Variants in MKLN1 observed in about 807,000 individuals in gnomAD.
The protein encoded by MKLN1 is muskelin 1.
MKLN1 carries 18 observed loss-of-function variants against 99.0 expected under a neutral mutation model. The ratio of observed to expected loss-of-function variants is 0.18; its 90% CI spans 0.13 to 0.27. The LOEUF is 0.27. Among genes scored for constraint, MKLN1 ranks in the 10% least tolerant of loss-of-function variants. MKLN1 has a pLI of 1.00. For missense variants in MKLN1, 621 were observed against 875.9 expected, an observed-to-expected ratio of 0.71 and a Z score of 3.67; for synonymous variants, 288 against 293.2, an observed-to-expected ratio of 0.98 and a Z score of 0.18.
chr7:131,412,038 GTTCATAC>G (rs1794897573), intron 7 of MKLN1, among the ~76,000 whole-genome samples: 1 of 151,644 alleles, frequency 6.6e-6, no homozygotes, highest in South Asian at 2.1e-4. Context: ...AGTCAGCCGT[GTTCATAC>G]CACTGCACTT....
intron 2 of MKLN1, among the ~76,000 whole-genome samples, chr7:131,144,150 G>A (rs754826967): frequency 1.3e-5 from 2 of 152,104 alleles, no homozygotes; most frequent in Non-Finnish European, 2.9e-5. Flanking sequence ...TACACAGAAG[G>A]CACTCAGTAA....
chr7:131,391,423 G>A (rs759997474), intron 4 of MKLN1, among the ~76,000 whole-genome samples: 1 of 152,130 alleles, frequency 6.6e-6, no homozygotes, highest in East Asian at 1.9e-4. Context: ...TAACACAATG[G>A]CAGATAATCT....
chr7:131,302,660 T>C (rs531362945), intron 3 of MKLN1, among the ~76,000 whole-genome samples: 88 of 152,348 alleles, frequency 5.8e-4, no homozygotes, highest in Admixed American at 1.2e-3. Flanking sequence ...CCGCCTTCTA[T>C]GCAGCTGGCA....
chr7:131,337,279 C>T (rs1192465804), intron 1 of MKLN1, among the ~76,000 whole-genome samples: 1 of 152,086 alleles, frequency 6.6e-6, no homozygotes, highest in Non-Finnish European at 1.5e-5. Flanking sequence ...AAAATTTTGA[C>T]TTTTTAAAAA....
intron 1 of MKLN1, among the ~76,000 whole-genome samples, chr7:131,364,870 G>T (rs761826062): frequency 1.1e-4 from 16 of 152,140 alleles, no homozygotes; most frequent in Non-Finnish European, 2.2e-4. Flanking sequence ...TGGACATTTA[G>T]GTTGACTCCA....
At chr7:131,423,808 T>G (rs1217629527) in intron 8 of MKLN1, among the ~76,000 whole-genome samples, 1 of 152,212 alleles carries the variant, frequency 6.6e-6, no homozygotes, top group African/African-American at 2.4e-5. Flanking sequence ...ACAGAAAGAA[T>G]TCTGAAATGC....
chr7:131,191,280 G>C (rs369774010), intron 2 of MKLN1, among the ~76,000 whole-genome samples: 5 of 152,348 alleles, frequency 3.3e-5, no homozygotes, highest in South Asian at 2.1e-4. Flanking sequence ...TTGCCAGAAG[G>C]CTGCTTACTC....
intron 1 of MKLN1, among the ~76,000 whole-genome samples, chr7:131,370,401 A>T: frequency 6.7e-6 from 1 of 149,008 alleles, no homozygotes. Flanking sequence ...TCTTTTTTAA[A>T]GTCTTTAATT....
chr7:131,213,017 G>A (rs970173756), intron 3 of MKLN1, among the ~76,000 whole-genome samples: 3 of 151,326 alleles, frequency 2.0e-5, no homozygotes, highest in African/African-American at 7.3e-5. Context: ...CAATACATTT[G>A]AGGCCCCTTA....
chr7:131,400,750 G>A (rs1008366489), intron 6 of MKLN1, among the ~76,000 whole-genome samples: 9 of 151,880 alleles, frequency 5.9e-5, no homozygotes, highest in South Asian at 2.1e-4. Context: ...CTTTAGTGAC[G>A]TACTCAGTTG....
intron 1 of MKLN1, among the ~76,000 whole-genome samples, chr7:131,369,413 A>G (rs1317653312): frequency 6.6e-6 from 1 of 152,254 alleles, no homozygotes. Context: ...GTAAAAAGGG[A>G]TATCTTACTA....
chr7:131,235,973 G>A (rs1018890774), intron 3 of MKLN1, among the ~76,000 whole-genome samples: 2 of 152,160 alleles, frequency 1.3e-5, no homozygotes, highest in African/African-American at 4.8e-5. Context: ...TGCCCAGATC[G>A]AGTTATAAAG....
intron 2 of MKLN1, among the ~76,000 whole-genome samples, chr7:131,164,386 A>G (rs779482893): frequency 4.6e-5 from 7 of 152,170 alleles, no homozygotes; most frequent in Non-Finnish European, 8.8e-5. Flanking sequence ...AAGTACTAGG[A>G]TTACAGGTGT....
intron 3 of MKLN1, among the ~76,000 whole-genome samples, chr7:131,264,381 A>T (rs894907586): frequency 6.6e-6 from 1 of 152,226 alleles, no homozygotes; most frequent in Non-Finnish European, 1.5e-5. Context: ...ATTTAAATTT[A>T]GAGTAAGGAA....
chr7:131,330,995 T>C (rs1164328410), intron 1 of MKLN1, among the ~76,000 whole-genome samples: 1 of 152,178 alleles, frequency 6.6e-6, no homozygotes, highest in Non-Finnish European at 1.5e-5. Context: ...CTTATTTAAA[T>C]AATTCATAAA....
chr7:131,378,718 T>A (rs942515307), intron 2 of MKLN1, among the ~76,000 whole-genome samples: 8 of 152,022 alleles, frequency 5.3e-5, no homozygotes, highest in Non-Finnish European at 8.8e-5. Context: ...TAGTCCGAGA[T>A]ACTCAGGAGG....
At chr7:131,468,343 A>C (rs1796715938) in intron 15 of MKLN1, among the ~76,000 whole-genome samples, 1 of 152,228 alleles carries the variant, frequency 6.6e-6, no homozygotes, top group Non-Finnish European at 1.5e-5. Context: ...ACAGAATAGA[A>C]GAAGTTTGTG....
At chr7:131,333,199 C>T (rs1278997402) in intron 1 of MKLN1, among the ~76,000 whole-genome samples, 2 of 152,068 alleles carry the variant, frequency 1.3e-5, no homozygotes, top group Non-Finnish European at 2.9e-5. Flanking sequence ...GCTGGGATTA[C>T]AGGCATGAGC....
chr7:131,484,728 T>C (rs1002711444), intron 17 of MKLN1, among the ~76,000 whole-genome samples: 1 of 152,178 alleles, frequency 6.6e-6, no homozygotes, highest in African/African-American at 2.4e-5. Flanking sequence ...GACTGTATAC[T>C]TTCAGTGAGG....
Sources: allele counts gnomAD v4.1 joint callset (sites outside exome capture counted in the v4.1 genomes callset), GRCh38; gene constraint gnomAD v4.1.1; transcripts MANE v1.5; gene names NCBI Gene and HGNC (gene_info 2026-07-23, HGNC 2026-07-21).